Variants in ATG5 observed in about 807,000 individuals in gnomAD.
ATG5 encodes the protein autophagy related 5.
A neutral mutation model predicts 36.5 loss-of-function variants in ATG5; 14 were observed. That is an observed-to-expected ratio of 0.38 (90% CI 0.25 to 0.60). ATG5 has a LOEUF of 0.60. Among genes scored for constraint, ATG5 ranks in the 20% least tolerant of loss-of-function variants. The pLI is 0.60. For synonymous variants in ATG5, 95 were observed against 101.5 expected (o/e 0.94, Z 0.38); for missense variants, 195 against 326.7 (o/e 0.60, Z 3.11).
intron 6 of ATG5, among the ~76,000 whole-genome samples, chr6:106,223,533 T>A (rs1359778337): frequency 6.6e-6 from 1 of 152,220 alleles, no homozygotes; most frequent in Non-Finnish European, 1.5e-5. Flanking sequence ...GGACTCAATT[T>A]ACCTATTTCT....
At chr6:106,294,227 T>G (rs1780442897) in intron 3 of ATG5, among the ~76,000 whole-genome samples, 1 of 152,094 alleles carries the variant, frequency 6.6e-6, no homozygotes, top group South Asian at 2.1e-4. Flanking sequence ...TATAATCTAT[T>G]AATGAGTTAC....
intron 2 of ATG5, among the ~76,000 whole-genome samples, chr6:106,311,731 CAT>C (rs1463614901): frequency 6.6e-6 from 1 of 151,882 alleles, no homozygotes; most frequent in Non-Finnish European, 1.5e-5. Context: ...CAAGATCAGA[CAT>C]GTGATTTGAA....
intron 7 of ATG5, among the ~76,000 whole-genome samples, chr6:106,191,815 G>C (rs1775975202): frequency 6.6e-6 from 1 of 152,038 alleles, no homozygotes; most frequent in African/African-American, 2.4e-5. Flanking sequence ...AAAAAGTAAA[G>C]AGCGATTGTA....
intron 7 of ATG5, among the ~76,000 whole-genome samples, chr6:106,198,806 G>C (rs1258165649): frequency 6.6e-6 from 1 of 151,590 alleles, no homozygotes; most frequent in Non-Finnish European, 1.5e-5. Context: ...GTGAGAAAGA[G>C]AGAAAGAAAA....
At chr6:106,193,812 C>T (rs1439821548) in intron 7 of ATG5, among the ~76,000 whole-genome samples, 1 of 152,150 alleles carries the variant, frequency 6.6e-6, no homozygotes, top group Non-Finnish European at 1.5e-5. Context: ...GTACTGTTTA[C>T]ATATGGTCAG....
chr6:106,251,148 G>A (rs1778560309), intron 5 of ATG5, among the ~76,000 whole-genome samples: 1 of 152,226 alleles, frequency 6.6e-6, no homozygotes, highest in Admixed American at 6.5e-5. Context: ...GCCTGCATGG[G>A]CTGCCCATCT....
chr6:106,307,481 A>G (rs1770490978), intron 3 of ATG5, among the ~76,000 whole-genome samples: 1 of 152,098 alleles, frequency 6.6e-6, no homozygotes, highest in African/African-American at 2.4e-5. Context: ...GGAAGCACCA[A>G]AAAACATCAT....
chr6:106,211,571 G>A (rs1253373413), intron 6 of ATG5, among the ~76,000 whole-genome samples: 1 of 152,194 alleles, frequency 6.6e-6, no homozygotes, highest in Non-Finnish European at 1.5e-5. Flanking sequence ...TTAGCCGGGA[G>A]TGGTGGCGTG....
chr6:106,196,943 TA>T (rs1482391771), intron 7 of ATG5, among the ~76,000 whole-genome samples: 1 of 152,018 alleles, frequency 6.6e-6, no homozygotes. Context: ...TTTCCTGGAT[TA>T]AAAAGCAACT....
At chr6:106,320,466 T>G (rs1008964555) in intron 1 of ATG5, among the ~76,000 whole-genome samples, 2 of 152,024 alleles carry the variant, frequency 1.3e-5, no homozygotes, top group African/African-American at 4.8e-5. Context: ...TTAAGGAAAT[T>G]TTGGGTTGAG....
chr6:106,305,726 T>C (rs189610981), intron 3 of ATG5, among the ~76,000 whole-genome samples: 3 of 152,370 alleles, frequency 2.0e-5, no homozygotes, highest in South Asian at 2.1e-4. Context: ...AACACTTCAG[T>C]GGTAGCTGCT....
At chr6:106,190,737 T>C (rs1487847081) in intron 7 of ATG5, among the ~76,000 whole-genome samples, 3 of 151,754 alleles carry the variant, frequency 2.0e-5, no homozygotes, top group Non-Finnish European at 4.4e-5. Flanking sequence ...AAGAATTACA[T>C]ATAGAAAAAA....
chr6:106,252,986 T>C (rs1014762322), intron 5 of ATG5, among the ~76,000 whole-genome samples: 5 of 152,242 alleles, frequency 3.3e-5, no homozygotes, highest in African/African-American at 1.2e-4. Context: ...AACAGTATTA[T>C]TCAAATCAGT....
At chr6:106,257,821 T>C (rs945400049) in intron 5 of ATG5, among the ~76,000 whole-genome samples, 2 of 152,336 alleles carry the variant, frequency 1.3e-5, no homozygotes, top group South Asian at 4.1e-4. Flanking sequence ...ACAGTTCATA[T>C]TGTGAATCTG....
chr6:106,208,071 A>T (rs922737729), intron 6 of ATG5, among the ~76,000 whole-genome samples: 3 of 152,140 alleles, frequency 2.0e-5, no homozygotes, highest in South Asian at 2.1e-4. Flanking sequence ...TAGCCTGGGC[A>T]ACAGAGCAAG....
chr6:106,312,800 T>G (rs995276936), intron 2 of ATG5, among the ~76,000 whole-genome samples: 1 of 152,108 alleles, frequency 6.6e-6, no homozygotes, highest in African/African-American at 2.4e-5. Context: ...AAACAGACTC[T>G]GAGCTTGGCT....
At chr6:106,235,813 C>T (rs1288251789) in intron 6 of ATG5, among the ~76,000 whole-genome samples, 1 of 147,584 alleles carries the variant, frequency 6.8e-6, no homozygotes, top group African/African-American at 2.5e-5. Context: ...ATTGCAACTG[C>T]AAAAAAAAAA....
chr6:106,272,730 C>A (rs539117851), intron 5 of ATG5, among the ~76,000 whole-genome samples: 126 of 152,218 alleles, frequency 8.3e-4, no homozygotes, highest in Non-Finnish European at 1.5e-3. Flanking sequence ...ATAGTAGGTT[C>A]TTATACTGGC....
intron 7 of ATG5, among the ~76,000 whole-genome samples, chr6:106,198,930 T>C (rs1015736230): frequency 6.6e-6 from 1 of 151,834 alleles, no homozygotes; most frequent in Admixed American, 6.6e-5. Flanking sequence ...AAACAATCCA[T>C]GAAAAAAAAC....
Sources: gnomAD v4.1 joint callset for allele counts (sites outside exome capture counted in the v4.1 genomes callset) on GRCh38, gnomAD v4.1.1 for gene constraint, MANE v1.5 for transcripts, NCBI Gene and HGNC (gene_info 2026-07-23, HGNC 2026-07-21) for gene names.